SH3GL1: variants seen among roughly 807,000 people sequenced by gnomAD.
SH3GL1 encodes the protein SH3 domain containing GRB2 like 1, endophilin A2.
SH3GL1 carries 21 observed loss-of-function variants against 48.8 expected under a neutral mutation model. The observed-to-expected ratio is 0.43, with a 90% CI of 0.30 to 0.62. The LOEUF is 0.62. Among genes scored for constraint, SH3GL1 ranks in the 20% least tolerant of loss-of-function variants. SH3GL1 has a pLI of 0.11. For synonymous variants in SH3GL1, 282 were observed against 217.5 expected, an observed-to-expected ratio of 1.30 and a Z score of -2.61; for missense variants, 454 against 503.0, an observed-to-expected ratio of 0.90 and a Z score of 0.93.
chr19:4,365,668 A>G (rs752851016), intron 3 of SH3GL1, 43 bp from the exon 4 acceptor site: 15 of 1,610,344 alleles, frequency 9.3e-6, no homozygotes, highest in Middle Eastern at 1.7e-4. Flanking sequence ...TGAGGCCTGC[A>G]CTCCTCTGCC....
In SH3GL1 at chr19:4,378,646, C is replaced by A. The variant is rs574523308; in HGVS notation, c.46-11652G>T. Reference sequence around the variant, plus strand: ...AGCAGAATCGCTTGAACCCGGGAGGCGGAGGTTGTGGTGAGCTGAGATCGC... The same window carrying A: ...AGCAGAATCGCTTGAACCCGGGAGGAGGAGGTTGTGGTGAGCTGAGATCGC... On this transcript the variant is annotated intron_variant, in intron 1 of 9. Transcript: ENST00000269886. Among the ~76,000 whole-genome samples, 26 of 152,180 alleles carry A rather than the reference C, an allele frequency of 1.7e-4. No homozygotes were observed. In the Middle Eastern group the frequency reaches 0.01, roughly 60 times the overall value.
At chr19:4,378,824 T>A (rs1395598477) in intron 1 of SH3GL1, among the ~76,000 whole-genome samples, 3 of 151,898 alleles carry the variant, frequency 2.0e-5, no homozygotes, top group Non-Finnish European at 2.9e-5. Context: ...CGGCCAGGGG[T>A]TTCACCTCCG....
At position 4,369,967 on chromosome 19, in the gene SH3GL1, C is replaced by T. The variant is rs552269038; in HGVS notation, c.46-2973G>A. 2.6e-5 allele frequency among the ~76,000 whole-genome samples: 4 copies of T among 152,270 alleles called. No individual in the cohort carries two copies. In the South Asian group the frequency reaches 8.3e-4, roughly 31 times the overall value. ...AAGGCAGCCGGGCCACGTGCAGCGC[C>T]GGCCGCAAGCGCGGAAACCAAGCGT... On this transcript the variant is annotated intron_variant, in intron 1 of 9. Transcript: ENST00000269886.
Position 4,361,091 on chromosome 19 carries a change from G to A in SH3GL1, c.*509C>T, listed in dbSNP as rs867235092. 1.6e-5 allele frequency: 4 copies of A among 246,446 alleles called. No individual in the cohort carries two copies. The highest frequency in any genetic ancestry group is 1.2e-3 in the Middle Eastern group (1 of 864). The allele number at this position is 246,446 out of a possible 1,614,324, so 15.3% of individuals were successfully genotyped here. A position where few individuals can be genotyped will look rare whatever the true frequency, so the allele number is the denominator to read the frequency against. On this transcript the variant is annotated 3_prime_UTR_variant, in exon 10 of 10. Transcript: ENST00000269886. ...CGGGGGTGCATTGGCCCTGGAGTAG[G>A]GCCAGGGCCCATCACCAGCACCAGG...
Position 4,376,941 on chromosome 19 carries a change from G to C in SH3GL1, c.46-9947C>G, listed in dbSNP as rs1973020608. Among the ~76,000 whole-genome samples, 1 of 152,200 alleles carries C rather than the reference G, an allele frequency of 6.6e-6. No homozygotes were observed. Among genetic ancestry groups the C allele is most frequent in the Non-Finnish European group, 1.5e-5 (1 of 68,032 alleles). On this transcript the variant is annotated intron_variant, in intron 1 of 9. Transcript: ENST00000269886. This position sits in a 1 kb window ranked among gnomAD's most constrained non-coding sequence, Gnocchi z 4.3. ...CGCCACATCCCACCCCTTGACAGCA[G>C]CTAAGCTCCGGGGGCAGCAACTCCC...
intron 1 of SH3GL1, among the ~76,000 whole-genome samples, chr19:4,388,884 A>G (rs936952974): frequency 1.3e-5 from 2 of 152,164 alleles, no homozygotes; most frequent in African/African-American, 4.8e-5. Flanking sequence ...GCAGCCCTGG[A>G]GCTGGACACA....
intron 3 of SH3GL1, 91 bp downstream of exon 3, chr19:4,366,410 T>C (rs540636867): frequency 9.8e-7 from 1 of 1,023,384 alleles, no homozygotes; most frequent in East Asian, 2.6e-5. Context: ...CCACAACCCA[T>C]GAGCCTGGCG....
At chr19:4,377,040 C>G (rs1030640062) in intron 1 of SH3GL1, among the ~76,000 whole-genome samples, 1 of 152,222 alleles carries the variant, frequency 6.6e-6, no homozygotes, top group Non-Finnish European at 1.5e-5. Context: ...GACGGTTCAC[C>G]TGGGCTGACA....
chr19:4,373,318 C>T (rs893915799), intron 1 of SH3GL1, among the ~76,000 whole-genome samples: 2 of 152,282 alleles, frequency 1.3e-5, no homozygotes, highest in African/African-American at 4.8e-5. Context: ...GGAAGGGTCC[C>T]GACAGCCGGG....
At chr19:4,379,040 C>T (rs1404672132) in intron 1 of SH3GL1, among the ~76,000 whole-genome samples, 1 of 152,228 alleles carries the variant, frequency 6.6e-6, no homozygotes, top group Non-Finnish European at 1.5e-5. Context: ...GCGCCCAGAG[C>T]GCCTCCAGAT....
intron 7 of SH3GL1, 58 bp downstream of exon 7, chr19:4,363,312 C>A: frequency 7.6e-7 from 1 of 1,319,550 alleles, no homozygotes; most frequent in African/African-American, 1.5e-5. Flanking sequence ...TGCCCACTTG[C>A]GCTGGCAGAG....
chr19:4,379,836 T>C (rs776478914), intron 1 of SH3GL1, among the ~76,000 whole-genome samples: 1 of 152,134 alleles, frequency 6.6e-6, no homozygotes, highest in Non-Finnish European at 1.5e-5. Context: ...TACTTGTATT[T>C]TGGGGGGAAA....
intron 1 of SH3GL1, among the ~76,000 whole-genome samples, chr19:4,377,490 G>C (rs530271395): frequency 1.3e-5 from 2 of 152,194 alleles, no homozygotes; most frequent in African/African-American, 4.8e-5. Flanking sequence ...CCACAGTCAC[G>C]AAGACAGGTT....
At chr19:4,396,106 T>G (rs1973420547) in intron 1 of SH3GL1, 1 of 151,940 alleles carries the variant, frequency 6.6e-6, no homozygotes, top group African/African-American at 2.4e-5. Context: ...TGTAAATATC[T>G]ACCTGTGGGG....
chr19:4,363,478 G>A lies in SH3GL1; in HGVS notation c.625-5C>T. 6.2e-7 allele frequency: 1 copy of A among 1,609,228 alleles called. No homozygotes were observed. On this transcript the variant is annotated splice_region_variant and splice_polypyrimidine_tract_variant and intron_variant, in intron 6 of 9. Coordinates refer to ENST00000269886, the MANE Select transcript of SH3GL1 (RefSeq NM_003025.4). Reference sequence around the variant, plus strand: ...GAGCTGACTCACCTGCTCGATCTGTGGGGACAGTAGGGCTCAGGGGCTCCT... The same window carrying A: ...GAGCTGACTCACCTGCTCGATCTGTAGGGACAGTAGGGCTCAGGGGCTCCT...
At chr19:4,374,194 G>C (rs887728183) in intron 1 of SH3GL1, among the ~76,000 whole-genome samples, 4 of 152,244 alleles carry the variant, frequency 2.6e-5, no homozygotes, top group African/African-American at 9.6e-5. Context: ...CACATCAGGG[G>C]AACTGGAAGC....
At position 4,380,941 on chromosome 19, in the gene SH3GL1, C is replaced by A. The variant is rs1050567909; in HGVS notation, c.46-13947G>T. ...CAGCTCTTAGCAGGGCACCTCAAGC[C>A]AACATGGCAAAGTGAACCGGTCCTA... On this transcript the variant is annotated intron_variant, in intron 1 of 9. Transcript: ENST00000269886. Among the ~76,000 whole-genome samples, 3 of 151,952 alleles carry A rather than the reference C, an allele frequency of 2.0e-5. No individual in the cohort carries two copies. In the East Asian group the frequency reaches 5.8e-4, roughly 29 times the overall value.
chr19:4,397,200 G>A (rs1973441282), intron 1 of SH3GL1, among the ~76,000 whole-genome samples: 1 of 152,208 alleles, frequency 6.6e-6, no homozygotes, highest in Non-Finnish European at 1.5e-5. Context: ...AGCATGGAAC[G>A]CAGCCAGGGT....
intron 6 of SH3GL1, 99 bp from the exon 7 acceptor site, chr19:4,363,572 G>C: frequency 3.5e-6 from 5 of 1,446,340 alleles, no homozygotes; most frequent in Non-Finnish European, 4.9e-6. Flanking sequence ...GGGGCTGAGA[G>C]GGGACAGGGG....
Sources: gnomAD v4.1 joint callset for allele counts (sites outside exome capture counted in the v4.1 genomes callset) on GRCh38, gnomAD v4.1.1 for gene constraint, Gnocchi (gnomAD v3.1) non-coding constraint, MANE v1.5 for transcripts, NCBI Gene and HGNC (gene_info 2026-07-23, HGNC 2026-07-21) for gene names.